Variants in TPD52L3 observed in about 807,000 individuals in gnomAD.
TPD52L3 encodes the protein TPD52 like 3.
Under a neutral mutation model 8.7 loss-of-function variants are expected in TPD52L3, and 12 were observed. The ratio of observed to expected loss-of-function variants is 1.38; its 90% CI spans 0.89 to 2.24. The LOEUF is 2.24. TPD52L3 is among the 30% of genes most tolerant of loss of function. TPD52L3 has a pLI of 0.00. For missense variants in TPD52L3, 207 were observed against 158.7 expected (o/e 1.30, Z -1.64); for synonymous variants, 79 against 66.8 (o/e 1.18, Z -0.89).
intron 1 of TPD52L3, chr9:6,329,348 G>T: frequency 9.0e-7 from 1 of 1,108,442 alleles, no homozygotes; most frequent in Non-Finnish European, 1.1e-6. Context: ...TTAAGATAGA[G>T]AACCCAAAGT....
chr9:6,329,830 T>G, intron 1 of TPD52L3: 1 of 1,106,580 alleles, frequency 9.0e-7, no homozygotes, highest in Non-Finnish European at 1.1e-6. Context: ...AAATTATTAC[T>G]ACTTTGAACA....
At chr9:6,330,002 A>G in intron 1 of TPD52L3, 1 of 1,341,666 alleles carries the variant, frequency 7.5e-7, no homozygotes, top group Non-Finnish European at 9.6e-7. Flanking sequence ...CTAGTTAGTT[A>G]CCACCTCCAG....
chr9:6,328,930 TGAAGAAGTCGGCCACATTCA>T lies in TPD52L3; in HGVS notation c.338_357del (p.Lys113IlefsTer3). ...CTCATCTGCAGGAAGCTTGGAGGCG[TGAAGAAGTCGGCCACATTCA>T]GATCTTTTGAAGGTCTGATGGGGAC... On this transcript the variant is annotated frameshift_variant, in exon 1 of 2. Transcript: ENST00000314556. LOFTEE classifies it high-confidence loss of function. 6.2e-7 allele frequency: 1 copy of T among 1,614,138 alleles called. No homozygotes were observed. The highest frequency in any genetic ancestry group is 8.5e-7 in the Non-Finnish European group (1 of 1,180,012).
intron 1 of TPD52L3, 191 bp from the exon 2 acceptor site, chr9:6,330,785 G>A: frequency 1.5e-6 from 2 of 1,358,210 alleles, no homozygotes; most frequent in Non-Finnish European, 1.9e-6. Context: ...CAAAGGCTTT[G>A]ACATATTTCA....
At chr9:6,330,329 C>T in intron 1 of TPD52L3, 1 of 1,519,298 alleles carries the variant, frequency 6.6e-7, no homozygotes, top group Non-Finnish European at 8.8e-7. Context: ...TTTCAAAATG[C>T]CAAGATCTGG....
chr9:6,330,274 C>G, intron 1 of TPD52L3: 1 of 1,585,354 alleles, frequency 6.3e-7, no homozygotes, highest in Non-Finnish European at 8.5e-7. Context: ...TTTCTGATAT[C>G]TGATTTTCAC....
At position 6,331,193 on chromosome 9, in the gene TPD52L3, G is replaced by A. The variant is rs184360394; in HGVS notation, c.*174G>A. ...TTCTGAAAGCATAGAATTAGACATC[G>A]TATGTGCCCTCTAGAAACACTTAGA... On this transcript the variant is annotated 3_prime_UTR_variant, in exon 2 of 2. Transcript: ENST00000314556. 4.6e-4 allele frequency: 272 copies of A among 586,400 alleles called. 2 individuals carry two copies. The highest frequency in any genetic ancestry group is 3.7e-3 in the South Asian group (130 of 35,252). The allele number at this position is 586,400 out of a possible 1,614,324, so 36.3% of individuals were successfully genotyped here.
In TPD52L3 at chr9:6,328,785, T is replaced by C. The variant is rs1352086550; in HGVS notation, c.190T>C (p.Leu64=). Residue 64 remains leucine (L), a synonymous_variant, in exon 1 of 2, where the codon TTA becomes CTA. Transcript: ENST00000314556. Reference sequence around the variant, plus strand: ...ACGCTGTGGGGAACTCAAGAGGAAGTTAGGCCTCACCGCCTTGGTAGGGCT... The same window carrying C: ...ACGCTGTGGGGAACTCAAGAGGAAGCTAGGCCTCACCGCCTTGGTAGGGCT... ...ERRCGELKRK[L]GLTALVGLRQ... is the part of the protein sequence containing the mutation. 1 of 1,614,104 alleles carries C rather than the reference T, an allele frequency of 6.2e-7. No individual in the cohort carries two copies. The highest frequency in any genetic ancestry group is 1.1e-5 in the South Asian group (1 of 91,080).
chr9:6,330,176 T>G (rs1234292115), intron 1 of TPD52L3: 2 of 1,614,056 alleles, frequency 1.2e-6, no homozygotes, highest in Non-Finnish European at 1.7e-6. Flanking sequence ...CTGCCCTTCT[T>G]TTTAGGAAAC....
intron 1 of TPD52L3, chr9:6,330,098 C>T (rs904855267): frequency 1.3e-6 from 2 of 1,595,118 alleles, no homozygotes; most frequent in South Asian, 1.1e-5. Context: ...GAACGTCTGT[C>T]CCCTGTGATG....
At chr9:6,330,508 C>T (rs1818131675) in intron 1 of TPD52L3, 2 of 1,245,320 alleles carry the variant, frequency 1.6e-6, no homozygotes. Context: ...CTCTTGAATG[C>T]TCCCCCAACA....
rs1383667281 is a variant in TPD52L3, at chr9:6,331,036, C to CA, written c.*18dup. 4.4e-6 allele frequency: 7 copies of CA among 1,606,412 alleles called. No individual in the cohort carries two copies. Among genetic ancestry groups the CA allele is most frequent in the Middle Eastern group, 3.3e-4 (2 of 6,044 alleles). On this transcript the variant is annotated 3_prime_UTR_variant, in exon 2 of 2. Coordinates refer to ENST00000314556, the MANE Select transcript of TPD52L3 (RefSeq NM_001001874.3). ...AGGAATTAACATCATATACTTCAGA[C>CA]ATCAAATATGGAATCCAAGAGACTA...
chr9:6,330,636 G>T (rs778683573), intron 1 of TPD52L3: 106 of 1,169,098 alleles, frequency 9.1e-5, no homozygotes, highest in Non-Finnish European at 1.1e-4. Flanking sequence ...ACAAAGTTTT[G>T]CTTGGATTAA....
Position 6,331,667 on chromosome 9 carries a change from C to A in TPD52L3, c.*648C>A, listed in dbSNP as rs746160835. 2.6e-5 allele frequency: 4 copies of A among 152,138 alleles called. No homozygotes were observed. Among genetic ancestry groups the A allele is most frequent in the Non-Finnish European group, 4.4e-5 (3 of 68,034 alleles). 9.4% of individuals were successfully genotyped at this position (152,138 alleles called of 1,614,324 possible). ...TATCAAATTTTTGTTTTAGATTACT[C>A]TGGTCATCAGAGAAATAGATTAAGT... is the stretch of plus-strand genomic sequence containing the variant. On this transcript the variant is annotated 3_prime_UTR_variant, in exon 2 of 2. Coordinates refer to ENST00000314556, the MANE Select transcript of TPD52L3 (RefSeq NM_001001874.3).
At position 6,331,234 on chromosome 9, in the gene TPD52L3, A is replaced by G; in HGVS notation, c.*215A>G. The G allele has an allele frequency of 2.1e-6, 1 of 479,598 alleles. No homozygotes were observed. The highest frequency in any genetic ancestry group is 3.7e-6 in the Non-Finnish European group (1 of 268,318). 29.7% of individuals were successfully genotyped at this position (479,598 alleles called of 1,614,324 possible). A position where few individuals can be genotyped will look rare whatever the true frequency, so the allele number is the denominator to read the frequency against. ...AACACTTAGACTTTCAAATCATTAT[A>G]ATTCAATGAGTCCTAAAATAGAGCT... On this transcript the variant is annotated 3_prime_UTR_variant, in exon 2 of 2. Transcript: ENST00000314556.
chr9:6,329,165 G>A (rs755128454), intron 1 of TPD52L3: 4 of 1,459,824 alleles, frequency 2.7e-6, no homozygotes, highest in Non-Finnish European at 2.7e-6. Flanking sequence ...GAACCAGAAT[G>A]AGCCCCCTTG....
chr9:6,329,008 C>T (rs766196572), intron 1 of TPD52L3, 46 bp downstream of exon 1: 1 of 1,613,668 alleles, frequency 6.2e-7, no homozygotes, highest in South Asian at 1.1e-5. Flanking sequence ...GGCAAAAGAG[C>T]TTGGCCCTGA....
Position 6,331,106 on chromosome 9 carries a change from A to C in TPD52L3, c.*87A>C. 7.0e-7 allele frequency: 1 copy of C among 1,434,966 alleles called. No individual in the cohort carries two copies. The highest frequency in any genetic ancestry group is 9.7e-7 in the Non-Finnish European group (1 of 1,031,566). 88.9% of individuals were successfully genotyped at this position (1,434,966 alleles called of 1,614,324 possible). ...CACAAGTTCCTTCTGCTTTTAAACAAAAATATCGTGTTTATTCAAAGCCAA... is the reference window on the plus strand; with the variant it reads ...CACAAGTTCCTTCTGCTTTTAAACACAAATATCGTGTTTATTCAAAGCCAA... On this transcript the variant is annotated 3_prime_UTR_variant, in exon 2 of 2. Transcript: ENST00000314556.
At position 6,330,103 on chromosome 9, in the gene TPD52L3, G is replaced by T; in HGVS notation, c.368-873G>T. On this transcript the variant is annotated intron_variant, in intron 1 of 1. Transcript: ENST00000314556. ...ATTTTAAAAAGAACGTCTGTCCCCT[G>T]TGATGCTGGCTGTTATGCCTTTGAA... The T allele has an allele frequency of 2.5e-6, 4 of 1,599,070 alleles. No individual in the cohort carries two copies. In the Admixed American group the frequency reaches 7.1e-5, roughly 28 times the overall value.
Sources: gnomAD v4.1 joint callset for allele counts on GRCh38, gnomAD v4.1.1 for gene constraint, MANE v1.5 for transcripts, NCBI Gene and HGNC (gene_info 2026-07-23, HGNC 2026-07-21) for gene names.